The following DNAJB6 variants were observed in gnomAD, a reference collection of about 807,000 sequenced individuals.
DNAJB6 encodes dnaJ homolog subfamily B member 6.
DNAJB6 carries 16 observed loss-of-function variants against 42.7 expected under a neutral mutation model. That is an observed-to-expected ratio of 0.37 (90% CI 0.25 to 0.57). DNAJB6 has a LOEUF of 0.57. DNAJB6 is among the 20% of genes least tolerant of loss of function. The pLI is 0.74. For synonymous variants in DNAJB6, 170 were observed against 163.5 expected, an observed-to-expected ratio of 1.04 and a Z score of -0.30; for missense variants, 347 against 416.8, an observed-to-expected ratio of 0.83 and a Z score of 1.46.
intron 1 of DNAJB6, among the ~76,000 whole-genome samples, chr7:157,350,732 C>T (rs1356761747): frequency 1.3e-5 from 2 of 151,906 alleles, no homozygotes; most frequent in South Asian, 4.2e-4. Flanking sequence ...CTCTGTCTCC[C>T]AGGCTGGAGT....
chr7:157,414,143 C>T (rs1392330558), intron 9 of DNAJB6: 1 of 152,336 alleles, frequency 6.6e-6, no homozygotes, highest in Non-Finnish European at 1.5e-5. Flanking sequence ...TCAGGCTTTC[C>T]GTCCCTAGCT....
At chr7:157,348,764 C>T (rs1306477913) in intron 1 of DNAJB6, among the ~76,000 whole-genome samples, 1 of 152,120 alleles carries the variant, frequency 6.6e-6, no homozygotes, top group African/African-American at 2.4e-5. Flanking sequence ...GCGCCCTGTT[C>T]TTTCTTGTCC....
At chr7:157,396,911 C>T (rs1468252229) in intron 8 of DNAJB6, among the ~76,000 whole-genome samples, 1 of 152,154 alleles carries the variant, frequency 6.6e-6, no homozygotes, top group African/African-American at 2.4e-5. Context: ...GCCGACGCCA[C>T]AGTGTGCTTT....
intron 8 of DNAJB6, among the ~76,000 whole-genome samples, chr7:157,404,937 C>T (rs571830896): frequency 2.6e-5 from 4 of 152,334 alleles, no homozygotes; most frequent in African/African-American, 9.6e-5. Flanking sequence ...CTGTGCCAGC[C>T]TGTGCAGTGT....
intron 5 of DNAJB6, among the ~76,000 whole-genome samples, chr7:157,373,002 TCAAG>T (rs1252500555): frequency 6.6e-6 from 1 of 152,198 alleles, no homozygotes; most frequent in African/African-American, 2.4e-5. Flanking sequence ...ACCGCTAGGC[TCAAG>T]CAGTCTTCCT....
At chr7:157,340,872 G>C (rs1798325054) in intron 1 of DNAJB6, among the ~76,000 whole-genome samples, 1 of 152,026 alleles carries the variant, frequency 6.6e-6, no homozygotes, top group Admixed American at 6.6e-5. Context: ...TCACCATGTT[G>C]GTCAGGCTGG....
chr7:157,402,941 T>C, intron 8 of DNAJB6, among the ~76,000 whole-genome samples: 1 of 152,074 alleles, frequency 6.6e-6, no homozygotes, highest in Non-Finnish European at 1.5e-5. Context: ...TCTCAGTCAG[T>C]GTAGAAAGTT....
rs1796105444 is a variant in DNAJB6 at position 157,416,251 on chromosome 7, G to C, written c.*153G>C. On this transcript the variant is annotated 3_prime_UTR_variant, in exon 10 of 10. Transcript: ENST00000262177. Reference sequence around the variant, plus strand: ...ATTATGCGATCACGGATCAGTCAGAGCAGGGTCAGGAGACGGGGCTGACGG... The same window carrying C: ...ATTATGCGATCACGGATCAGTCAGACCAGGGTCAGGAGACGGGGCTGACGG... 2.3e-6 allele frequency: 3 copies of C among 1,286,820 alleles called. No homozygotes were observed. Among genetic ancestry groups the C allele is most frequent in the African/African-American group, 3.0e-5 (2 of 67,604 alleles). The allele number at this position is 1,286,820 out of a possible 1,614,324, so 79.7% of individuals were successfully genotyped here. A position where few individuals can be genotyped will look rare whatever the true frequency, so the allele number is the denominator to read the frequency against.
chr7:157,380,846 C>G (rs923477248), intron 5 of DNAJB6: 1 of 152,444 alleles, frequency 6.6e-6, no homozygotes, highest in Non-Finnish European at 1.5e-5. Context: ...CCCTGCTCTG[C>G]GGAAGCTTCC....
chr7:157,410,245 T>A (rs1416539305), intron 9 of DNAJB6: 1 of 919,274 alleles, frequency 1.1e-6, no homozygotes, highest in Non-Finnish European at 1.5e-6. Context: ...CGCAGCGTGT[T>A]GCTCCGCAAA....
intron 8 of DNAJB6, among the ~76,000 whole-genome samples, chr7:157,402,367 G>T (rs1795559474): frequency 6.6e-6 from 1 of 152,218 alleles, no homozygotes; most frequent in Non-Finnish European, 1.5e-5. Context: ...AGTGGCGGGT[G>T]CAGCACAGTC....
At chr7:157,351,850 C>T (rs534712822) in intron 1 of DNAJB6, among the ~76,000 whole-genome samples, 68 of 149,566 alleles carry the variant, frequency 4.5e-4, no homozygotes, top group African/African-American at 1.1e-3. Flanking sequence ...AAAAATTAGT[C>T]GGTGTGGTGG....
chr7:157,353,583 C>T (rs1004891280), intron 1 of DNAJB6, among the ~76,000 whole-genome samples: 5 of 95,080 alleles, frequency 5.3e-5, no homozygotes, highest in Admixed American at 1.1e-4. Context: ...TTTTCTTGAC[C>T]GGGGTGTGTG....
At chr7:157,374,478 C>T (rs976179335) in intron 5 of DNAJB6, among the ~76,000 whole-genome samples, 5 of 151,968 alleles carry the variant, frequency 3.3e-5, no homozygotes, top group East Asian at 3.9e-4. Context: ...AGGTTGGTCT[C>T]GAACTCCTGA....
chr7:157,350,881 G>A (rs765020558), intron 1 of DNAJB6, among the ~76,000 whole-genome samples: 6 of 151,186 alleles, frequency 4.0e-5, no homozygotes, highest in Non-Finnish European at 8.8e-5. Context: ...TTTTAATTCT[G>A]AGATTCTGTG....
chr7:157,416,053 G>C lies in DNAJB6; in HGVS notation c.936G>C (p.Gln312His). 6.2e-7 allele frequency: 1 copy of C among 1,614,244 alleles called. No homozygotes were observed. The highest frequency in any genetic ancestry group is 8.5e-7 in the Non-Finnish European group (1 of 1,180,048). ...GTGGCAAGAGGAAGAAGCAGAAGCA[G>C]AGAGAGGAGTCGAAGAAGAAGAAGT... ...KEGGKRKKQK[Q>H]REESKKKKST... Residue 312 changes from glutamine (Q) to histidine (H), a missense_variant, in exon 10 of 10, where the codon CAG becomes CAC. By Grantham distance (24) the Gln-to-His change is conservative. This residue lies in a region of DNAJB6 where 264 missense variants were observed against 288.0 expected (regional missense o/e 0.92). Coordinates refer to ENST00000262177, the MANE Select transcript of DNAJB6 (RefSeq NM_058246.4).
intron 5 of DNAJB6, among the ~76,000 whole-genome samples, chr7:157,373,397 C>T (rs1039861908): frequency 1.3e-5 from 2 of 152,162 alleles, no homozygotes; most frequent in Admixed American, 1.3e-4. Context: ...GTCACCCAGG[C>T]TGGAGTGCAG....
chr7:157,392,457 T>A (rs1028566120), intron 8 of DNAJB6, among the ~76,000 whole-genome samples: 1 of 152,072 alleles, frequency 6.6e-6, no homozygotes, highest in African/African-American at 2.4e-5. Flanking sequence ...GTGTGCCTGT[T>A]ACAGAGCTGC....
At chr7:157,375,631 C>T (rs1800433288) in intron 5 of DNAJB6, among the ~76,000 whole-genome samples, 1 of 152,208 alleles carries the variant, frequency 6.6e-6, no homozygotes, top group Non-Finnish European at 1.5e-5. Context: ...GTTCTCAGGG[C>T]GTGCACTTCA....
Sources: gnomAD v4.1 joint callset for allele counts (sites outside exome capture counted in the v4.1 genomes callset) on GRCh38, gnomAD v4.1.1 for gene constraint, gnomAD v4.1.1 regional missense constraint, MANE v1.5 for transcripts, NCBI Gene and HGNC (gene_info 2026-07-23, HGNC 2026-07-21) for gene names.